Variants in STK10 observed in about 807,000 individuals in gnomAD.
STK10 encodes serine/threonine kinase 10.
In STK10, 78 loss-of-function variants were observed where a neutral mutation model predicts 113.8. The observed-to-expected ratio is 0.69, with a 90% CI of 0.57 to 0.83. The LOEUF is 0.83. STK10 is among the 40% of genes least tolerant of loss of function. The pLI is 0.00. For synonymous variants in STK10, 465 were observed against 494.7 expected (o/e 0.94, Z 0.80); for missense variants, 1,109 against 1,280.1 (o/e 0.87, Z 2.04).
chr5:172,081,788 C>T (rs1768437072), intron 12 of STK10, among the ~76,000 whole-genome samples: 3 of 152,220 alleles, frequency 2.0e-5, no homozygotes, highest in Admixed American at 2.0e-4. Flanking sequence ...CTCCTTCCTC[C>T]ACAGAGGGAG....
chr5:172,082,323 C>T lies in STK10; in HGVS notation c.1989+3G>A. On this transcript the variant is annotated splice_donor_region_variant and intron_variant, in intron 12 of 18. Coordinates refer to ENST00000176763, the MANE Select transcript of STK10 (RefSeq NM_005990.4). This position sits in a 1 kb window ranked among gnomAD's most constrained non-coding sequence, Gnocchi z 4.3. ...CCCCTGCCCCCACTGAGCACATACTCACCTCTTTCTTCATCAGTTTGAGCT... is the reference window on the plus strand; with the variant it reads ...CCCCTGCCCCCACTGAGCACATACTTACCTCTTTCTTCATCAGTTTGAGCT... 6 of 1,545,192 alleles carry T rather than the reference C, an allele frequency of 3.9e-6. No individual in the cohort carries two copies. Among genetic ancestry groups the T allele is most frequent in the Non-Finnish European group, 4.4e-6 (5 of 1,147,402 alleles).
At chr5:172,179,607 C>G (rs1237663909) in intron 1 of STK10, among the ~76,000 whole-genome samples, 1 of 129,270 alleles carries the variant, frequency 7.7e-6, no homozygotes, top group South Asian at 2.4e-4. Flanking sequence ...GTGGGCAGGG[C>G]CCCACGCAGA....
At position 172,120,551 on chromosome 5, in the gene STK10, G is replaced by GCCGT. The variant is rs1366519573; in HGVS notation, c.371-2925_371-2922dup. Among the ~76,000 whole-genome samples the GCCGT allele has an allele frequency of 6.6e-6, 1 of 152,094 alleles. No individual in the cohort carries two copies. Among genetic ancestry groups the GCCGT allele is most frequent in the East Asian group, 1.9e-4 (1 of 5,198 alleles). On this transcript the variant is annotated intron_variant, in intron 3 of 18. Coordinates refer to ENST00000176763, the MANE Select transcript of STK10 (RefSeq NM_005990.4). The surrounding 1 kb of genome is among the most constrained non-coding windows in gnomAD (Gnocchi z 4.0). The stretch of plus-strand genomic sequence containing the variant: ...GGGCTTCAGGACCACACAGACCGAG[G>GCCGT]CCGTACCCAGGTGCTGCCTCTCACT...
At chr5:172,087,673 C>G (rs375120976) in intron 10 of STK10, among the ~76,000 whole-genome samples, 1 of 98,532 alleles carries the variant, frequency 1.0e-5, no homozygotes, top group African/African-American at 5.0e-5. Context: ...CCAGGCCGGA[C>G]TGCGGACTGC....
chr5:172,177,172 T>TAAAA (rs748019558), intron 1 of STK10, among the ~76,000 whole-genome samples: 2 of 140,890 alleles, frequency 1.4e-5, no homozygotes, highest in African/African-American at 2.8e-5. Context: ...GTGCAGTCTT[T>TAAAA]AAAAAAAAAA....
intron 8 of STK10, 73 bp downstream of exon 8, chr5:172,096,353 C>T (rs1291263487): frequency 5.7e-6 from 9 of 1,586,492 alleles, no homozygotes; most frequent in Non-Finnish European, 7.7e-6. Context: ...TTCCCTGCCC[C>T]TCCCACACCA....
In STK10 at chr5:172,054,587, G is replaced by A. The variant is rs371793227; in HGVS notation, c.2634C>T (p.Ser878=). The change falls in exon 17 of 19, where the codon AGC becomes AGT. Residue 878 remains serine, a synonymous_variant. Coordinates refer to ENST00000176763, the MANE Select transcript of STK10 (RefSeq NM_005990.4). ...DMLAQCESNM[S]ELQQLQNEKC... is the part of the protein sequence containing the mutation. ...GCGGTACCTGCAGCTGCTGCAGCTC[G>A]CTCATGTTGCTCTCACACTGCGCCA... 7.5e-5 allele frequency: 121 copies of A among 1,607,646 alleles called. No individual in the cohort carries two copies. The highest frequency in any genetic ancestry group is 9.3e-5 in the Non-Finnish European group (110 of 1,179,646).
At chr5:172,178,874 T>G (rs1288560477) in intron 1 of STK10, among the ~76,000 whole-genome samples, 1 of 152,214 alleles carries the variant, frequency 6.6e-6, no homozygotes. Context: ...TGGCAACGTC[T>G]GGGGACACTT....
chr5:172,081,386 TA>T lies in STK10; in HGVS notation c.1989+939del, dbSNP rs539436652. 6.7e-3 allele frequency among the ~76,000 whole-genome samples: 1,010 copies of T among 150,466 alleles called. 8 individuals carry two copies. Among genetic ancestry groups the T allele is most frequent in the Non-Finnish European group, 9.4e-3 (639 of 67,664 alleles). ...AAAAAAAAAAAAATCAGGCTAAATC[TA>T]CTCTGCTTGTGCTCTAAAAATGAAG... On this transcript the variant is annotated intron_variant, in intron 12 of 18. Coordinates refer to ENST00000176763, the MANE Select transcript of STK10 (RefSeq NM_005990.4).
At position 172,042,703 on chromosome 5, in the gene STK10, G is replaced by A. The variant is rs374655475; in HGVS notation, c.*2179C>T. ...ACCAATGCACCAAAGAGAATAAAAGGAGACAATTGTTTCGCTTGTCTCATT... is the reference window on the plus strand; with the variant it reads ...ACCAATGCACCAAAGAGAATAAAAGAAGACAATTGTTTCGCTTGTCTCATT... On this transcript the variant is annotated 3_prime_UTR_variant, in exon 19 of 19. Transcript: ENST00000176763. The A allele has an allele frequency of 4.2e-4, 64 of 152,342 alleles. No homozygotes were observed. The highest frequency in any genetic ancestry group is 1.5e-3 in the African/African-American group (62 of 41,580). The allele number at this position is 152,342 out of a possible 1,614,324, so 9.4% of individuals were successfully genotyped here.
Position 172,187,331 on chromosome 5 carries a change from C to T in STK10, c.156+556G>A, listed in dbSNP as rs1164865629. Among the ~76,000 whole-genome samples, 1 of 152,134 alleles carries T rather than the reference C, an allele frequency of 6.6e-6. No homozygotes were observed. The highest frequency in any genetic ancestry group is 1.9e-4 in the East Asian group (1 of 5,174). On this transcript the variant is annotated intron_variant, in intron 1 of 18. Transcript: ENST00000176763. The surrounding 1 kb of genome is among the most constrained non-coding windows in gnomAD (Gnocchi z 4.6). ...CCCCCTCTGACCAGCCCCAACCCAC[C>T]TTTCCAAGCCCCACCTCTCAGTCCA...
chr5:172,052,264 T>C (rs535429916), intron 18 of STK10, among the ~76,000 whole-genome samples: 5 of 151,986 alleles, frequency 3.3e-5, no homozygotes, highest in South Asian at 2.1e-4. Flanking sequence ...TTCTAGAAAA[T>C]AACCCGTCTG....
chr5:172,097,968 C>T (rs1271917294), intron 7 of STK10, among the ~76,000 whole-genome samples: 2 of 152,124 alleles, frequency 1.3e-5, no homozygotes, highest in Non-Finnish European at 2.9e-5. Flanking sequence ...TTCCTCAACC[C>T]ACCACGCTCA....
At chr5:172,130,168 C>T (rs79907094) in intron 2 of STK10, among the ~76,000 whole-genome samples, 3,010 of 152,142 alleles carry the variant, frequency 0.02, 96 homozygotes, top group African/African-American at 0.069. Context: ...CAATCCTCTC[C>T]GTAAAATGGG....
Position 172,117,585 on chromosome 5 carries a change from C to T in STK10, c.416G>A (p.Arg139His), listed in dbSNP as rs374495662. 1.5e-5 allele frequency: 24 copies of T among 1,613,978 alleles called. No homozygotes were observed. The East Asian group carries it at 1.6e-4, about 10-fold the overall frequency. ...LTEPQIQVVC[R>H]QMLEALNFLH... ...GAAGTTGAGGGCTTCTAGCATCTGGCGGCAAACCACCTGTATCTGGGGCTC... is the reference window on the plus strand; with the variant it reads ...GAAGTTGAGGGCTTCTAGCATCTGGTGGCAAACCACCTGTATCTGGGGCTC... Residue 139 changes from arginine to histidine, a missense_variant, in exon 4 of 19, where the codon CGC becomes CAC. Physicochemically the swap from Arg to His is conservative, Grantham distance 29. Coordinates refer to ENST00000176763, the MANE Select transcript of STK10 (RefSeq NM_005990.4).
chr5:172,104,123 A>G (rs1358549206), intron 7 of STK10, among the ~76,000 whole-genome samples: 1 of 152,264 alleles, frequency 6.6e-6, no homozygotes, highest in Non-Finnish European at 1.5e-5. Flanking sequence ...CAAAGACTCA[A>G]GTGCCTGGTG....
rs114842274 is a variant in STK10 at position 172,061,206 on chromosome 5, G to A, written c.2145C>T (p.Thr715=). 9.9e-6 allele frequency: 16 copies of A among 1,613,480 alleles called. No homozygotes were observed. In the Admixed American group the frequency reaches 1.2e-4, roughly 12 times the overall value. Residue 715 remains threonine, a synonymous_variant, in exon 14 of 19, where the codon ACC becomes ACT. Transcript: ENST00000176763. ...TGTCACAGATCTCCCGCCTGTTGTC[G>A]GTGGTGAGCCTCTTCATGGCCAGCT... The part of the protein sequence containing the change: ...DLELAMKRLT[T]DNRREICDKE...
chr5:172,156,932 T>C, intron 1 of STK10, 144 bp from the exon 2 acceptor site: 2 of 870,728 alleles, frequency 2.3e-6, no homozygotes, highest in South Asian at 1.8e-5. Flanking sequence ...TTCTTAACAA[T>C]AGCCACACAT....
chr5:172,081,965 C>A (rs1044612082), intron 12 of STK10, among the ~76,000 whole-genome samples: 2 of 152,132 alleles, frequency 1.3e-5, no homozygotes, highest in Admixed American at 1.3e-4. Context: ...GCCTACCCAC[C>A]CAGCACCCAC....
Sources: gnomAD v4.1 joint callset for allele counts (sites outside exome capture counted in the v4.1 genomes callset) on GRCh38, gnomAD v4.1.1 for gene constraint, Gnocchi (gnomAD v3.1) non-coding constraint, MANE v1.5 for transcripts, NCBI Gene and HGNC (gene_info 2026-07-23, HGNC 2026-07-21) for gene names.